The following PRKCD variants were observed in gnomAD, a reference collection of about 807,000 sequenced individuals.
The protein encoded by PRKCD is protein kinase C delta.
PRKCD carries 20 observed loss-of-function variants against 82.2 expected under a neutral mutation model. The ratio of observed to expected loss-of-function variants is 0.24; its 90% CI spans 0.17 to 0.35. PRKCD has a LOEUF of 0.35. PRKCD is among the 10% of genes least tolerant of loss of function. The pLI is 1.00. For synonymous variants in PRKCD, 317 were observed against 337.0 expected (o/e 0.94, Z 0.65); for missense variants, 607 against 899.0 (o/e 0.68, Z 4.15).
At chr3:53,187,267 G>T in intron 14 of PRKCD, 73 bp from the exon 15 acceptor site, 1 of 1,541,164 alleles carries the variant, frequency 6.5e-7, no homozygotes. Context: ...TGGAAGTGGG[G>T]TTGAGGGCCC....
intron 1 of PRKCD, among the ~76,000 whole-genome samples, chr3:53,162,014 C>T (rs1702683578): frequency 6.6e-6 from 1 of 151,808 alleles, no homozygotes; most frequent in African/African-American, 2.4e-5. Context: ...CCTCCCGCCC[C>T]TGGGTCCCTG....
At position 53,183,442 on chromosome 3, in the gene PRKCD, C is replaced by A; in HGVS notation, c.658-10C>A. ...ACGTGACCCTCAGCCTGTGATACCC[C>A]CACCTCCAGTTCCAGAAAGAACGCT... On this transcript the variant is annotated splice_polypyrimidine_tract_variant and intron_variant, in intron 8 of 18. Transcript: ENST00000330452. 6.2e-7 allele frequency: 1 copy of A among 1,614,004 alleles called. No homozygotes were observed. Among genetic ancestry groups the A allele is most frequent in the East Asian group, 2.2e-5 (1 of 44,886 alleles).
chr3:53,174,489 A>G (rs1703150688), intron 2 of PRKCD, among the ~76,000 whole-genome samples: 1 of 152,050 alleles, frequency 6.6e-6, no homozygotes, highest in Non-Finnish European at 1.5e-5. Context: ...CCCAGGTCCT[A>G]TTTGCATGGG....
intron 2 of PRKCD, among the ~76,000 whole-genome samples, chr3:53,175,518 G>C (rs1355093806): frequency 2.0e-5 from 3 of 152,200 alleles, no homozygotes; most frequent in Non-Finnish European, 4.4e-5. Context: ...GACCTGCACA[G>C]AGTCCACAGC....
chr3:53,173,306 C>A (rs1703102056), intron 2 of PRKCD, among the ~76,000 whole-genome samples: 1 of 152,140 alleles, frequency 6.6e-6, no homozygotes, highest in Non-Finnish European at 1.5e-5. Context: ...GCCTTGCCCA[C>A]TGCCGGGTAC....
chr3:53,186,363 C>G (rs371545067), intron 13 of PRKCD, 23 bp downstream of exon 13: 188 of 1,612,792 alleles, frequency 1.2e-4, no homozygotes, highest in Non-Finnish European at 1.5e-4. Context: ...CCTGCCGTCA[C>G]CACCCCATGC....
chr3:53,181,782 C>CGTGTGCCAGTGCCTGTGT (rs782602575), intron 7 of PRKCD, 50 bp downstream of exon 7: 7 of 1,613,288 alleles, frequency 4.3e-6, no homozygotes, highest in African/African-American at 2.7e-5. Flanking sequence ...TGTGTGCTCA[C>CGTGTGCCAGTGCCTGTGT]GTGTGCCAGT....
intron 15 of PRKCD, among the ~76,000 whole-genome samples, chr3:53,188,501 A>G (rs1553669888): frequency 6.6e-6 from 1 of 152,212 alleles, no homozygotes; most frequent in Non-Finnish European, 1.5e-5. Flanking sequence ...TTCAGGAAGT[A>G]GGGCAGTGTA....
intron 2 of PRKCD, among the ~76,000 whole-genome samples, chr3:53,174,387 T>C (rs572410849): frequency 6.6e-6 from 1 of 152,302 alleles, no homozygotes; most frequent in East Asian, 1.9e-4. Context: ...CCATGGAGGC[T>C]GTGTGGGGTC....
rs781873887 is a variant in PRKCD at position 53,189,926 on chromosome 3, C to G, written c.1797C>G (p.Ile599Met). 5.0e-6 allele frequency: 8 copies of G among 1,614,190 alleles called. No individual in the cohort carries two copies. The highest frequency in any genetic ancestry group is 6.8e-6 in the Non-Finnish European group (8 of 1,180,014). ...KRLGVTGNIK[I>M]HPFFKTINWT... is the part of the protein sequence containing the mutation. ...TGGGAGTGACCGGAAACATCAAAAT[C>G]CACCCCTTCTTCAAGACCATAAACT... The change falls in exon 18 of 19, where the codon ATC (isoleucine) becomes ATG (methionine). Residue 599 changes from isoleucine to methionine, a missense_variant. Ile to Met is a conservative substitution (Grantham distance 10). Transcript: ENST00000330452.
chr3:53,182,746 G>A (rs1192434451), intron 7 of PRKCD, among the ~76,000 whole-genome samples: 4 of 152,254 alleles, frequency 2.6e-5, no homozygotes, highest in East Asian at 3.9e-4. Context: ...GTTTTGAGGC[G>A]TGTCCATGTG....
At position 53,181,367 on chromosome 3, in the gene PRKCD, G is replaced by A. The variant is rs538214869; in HGVS notation, c.377-77G>A. The A allele has an allele frequency of 5.5e-3, 8,832 of 1,609,654 alleles. 39 individuals are homozygous for A. The highest frequency in any genetic ancestry group is 6.8e-3 in the Non-Finnish European group (7,953 of 1,177,504). On this transcript the variant is annotated intron_variant, in intron 5 of 18. Transcript: ENST00000330452. ...TGCTCCCTTCGGCAGAGCTGTCCAG[G>A]ACCACCCTGGGAGGGACTGTAGGGG...
chr3:53,168,281 G>T (rs975365364), intron 2 of PRKCD, among the ~76,000 whole-genome samples: 1 of 152,228 alleles, frequency 6.6e-6, no homozygotes. Context: ...GGCAGCTGGG[G>T]GCAGGGCCCA....
chr3:53,183,509 A>T lies in PRKCD; in HGVS notation c.715A>T (p.Met239Leu). 1.2e-6 allele frequency: 2 copies of T among 1,614,208 alleles called. No individual in the cohort carries two copies. The highest frequency in any genetic ancestry group is 3.3e-4 in the Middle Eastern group (2 of 6,062). The change falls in exon 9 of 19, where the codon ATG (methionine) becomes TTG (leucine). Residue 239 changes from methionine (M) to leucine (L), a missense_variant. Physicochemically the swap from Met to Leu is conservative, Grantham distance 15. Coordinates refer to ENST00000330452, the MANE Select transcript of PRKCD (RefSeq NM_006254.4). The stretch of plus-strand genomic sequence containing the variant: ...GCACCGCTTCAAGGTTCACAACTAC[A>T]TGAGCCCCACCTTCTGTGACCACTG... ...MPHRFKVHNY[M>L]SPTFCDHCGS...
intron 16 of PRKCD, 80 bp from the exon 17 acceptor site, chr3:53,188,978 T>G: frequency 1.3e-6 from 2 of 1,570,784 alleles, no homozygotes; most frequent in African/African-American, 2.7e-5. Context: ...TGAGGCGGCC[T>G]GGCTAGGCTT....
intron 9 of PRKCD, among the ~76,000 whole-genome samples, chr3:53,184,315 A>G (rs527987125): frequency 9.2e-5 from 13 of 140,630 alleles, no homozygotes; most frequent in African/African-American, 3.1e-4. Flanking sequence ...AGCCTGGGTG[A>G]CAGAGTGAGA....
rs1702938382 is a variant in PRKCD, at chr3:53,169,272, C to T, written c.-20+4057C>T. Among the ~76,000 whole-genome samples the T allele has an allele frequency of 6.6e-6, 1 of 151,976 alleles. No individual in the cohort carries two copies. The highest frequency in any genetic ancestry group is 1.5e-5 in the Non-Finnish European group (1 of 67,980). The stretch of plus-strand genomic sequence containing the variant: ...GTGAAGCCAGGGAGGCAGGTGGGGC[C>T]ACAAGCCTGAAGTTCAGGAGGGTCT... On this transcript the variant is annotated intron_variant, in intron 2 of 18. Transcript: ENST00000330452. The surrounding 1 kb of genome is among the most constrained non-coding windows in gnomAD (Gnocchi z 4.7).
In PRKCD at chr3:53,192,402, GC is replaced by G. The variant is rs1703959028; in HGVS notation, c.*138del. 9.7e-7 allele frequency: 1 copy of G among 1,033,572 alleles called. No individual in the cohort carries two copies. The highest frequency in any genetic ancestry group is 1.5e-5 in the South Asian group (1 of 66,898). The allele number at this position is 1,033,572 out of a possible 1,614,324, so 64.0% of individuals were successfully genotyped here. Reference sequence around the variant, plus strand: ...CCAGAGCGTCCTTGGCTGCCGTCTGGCCGGGCTCTCATGGTACTTCCTCTGT... The same window carrying G: ...CCAGAGCGTCCTTGGCTGCCGTCTGGCGGGCTCTCATGGTACTTCCTCTGT... On this transcript the variant is annotated 3_prime_UTR_variant, in exon 19 of 19. Coordinates refer to ENST00000330452, the MANE Select transcript of PRKCD (RefSeq NM_006254.4).
intron 12 of PRKCD, 39 bp from the exon 13 acceptor site, chr3:53,186,128 C>G (rs1165195826): frequency 6.2e-7 from 1 of 1,609,296 alleles, no homozygotes. Context: ...TGGCCCCTGC[C>G]CCGTCCTCAC....
Sources: gnomAD v4.1 joint callset for allele counts (sites outside exome capture counted in the v4.1 genomes callset) on GRCh38, gnomAD v4.1.1 for gene constraint, Gnocchi (gnomAD v3.1) non-coding constraint, MANE v1.5 for transcripts, NCBI Gene and HGNC (gene_info 2026-07-23, HGNC 2026-07-21) for gene names.